Variants in GALNT13 observed in about 807,000 individuals in gnomAD.
GALNT13 encodes the protein polypeptide N-acetylgalactosaminyltransferase 13.
GALNT13 carries 28 observed loss-of-function variants against 64.2 expected under a neutral mutation model. The observed-to-expected ratio is 0.44, with a 90% confidence interval of 0.32 to 0.60. The LOEUF (loss-of-function observed/expected upper bound fraction) is 0.60, where lower values mean the gene tolerates loss of function less well. GALNT13 is among the 20% of genes least tolerant of loss of function. The pLI is 0.05. For missense variants in GALNT13, 577 were observed against 669.8 expected, an observed-to-expected ratio of 0.86 and a Z score of 1.53; for synonymous variants, 214 against 224.6, an observed-to-expected ratio of 0.95 and a Z score of 0.42.
At chr2:154,318,891 G>A (rs924031636) in intron 9 of GALNT13, among the ~76,000 whole-genome samples, 2 of 151,550 alleles carry the variant, frequency 1.3e-5, no homozygotes, top group African/African-American at 4.8e-5. Context: ...GCACACACAC[G>A]CACACACATA....
the GALNT13 span, among the ~76,000 whole-genome samples, chr2:153,459,985 C>A: frequency 3.9e-5 from 6 of 152,076 alleles, no homozygotes; most frequent in African/African-American, 1.2e-4. Context: ...ATACTAAATG[C>A]AACCAAGTGG....
chr2:153,255,778 A>C, the GALNT13 span, among the ~76,000 whole-genome samples: 47 of 152,298 alleles, frequency 3.1e-4, no homozygotes, highest in South Asian at 9.7e-3. Flanking sequence ...TTTCTTTAAG[A>C]ATGTTGAATA....
chr2:153,977,162 C>T (rs1033531003), intron 3 of GALNT13, among the ~76,000 whole-genome samples: 2 of 152,044 alleles, frequency 1.3e-5, no homozygotes, highest in Admixed American at 1.3e-4. Flanking sequence ...TAAACCTTTC[C>T]ATCAACTGCC....
At chr2:153,267,546 T>G in the GALNT13 span, among the ~76,000 whole-genome samples, 1 of 152,210 alleles carries the variant, frequency 6.6e-6, no homozygotes, top group East Asian at 1.9e-4. Context: ...TTGGCCCCTT[T>G]TAGCCATGGC....
At chr2:153,255,669 C>CA in the GALNT13 span, among the ~76,000 whole-genome samples, 2 of 152,086 alleles carry the variant, frequency 1.3e-5, no homozygotes, top group African/African-American at 2.4e-5. Flanking sequence ...CTGGTGGTGA[C>CA]AAAATCTCTC....
intron 3 of GALNT13, among the ~76,000 whole-genome samples, chr2:154,137,610 T>G (rs1190986154): frequency 6.6e-6 from 1 of 152,142 alleles, no homozygotes; most frequent in African/African-American, 2.4e-5. Context: ...AAAATAAAAC[T>G]GTCATGCCTT....
At chr2:153,227,144 T>A in the GALNT13 span, among the ~76,000 whole-genome samples, 1 of 152,184 alleles carries the variant, frequency 6.6e-6, no homozygotes. Context: ...GGGAAAGACA[T>A]CAACAGAATG....
chr2:154,234,177 A>G (rs568445701), intron 4 of GALNT13, among the ~76,000 whole-genome samples: 1 of 152,298 alleles, frequency 6.6e-6, no homozygotes, highest in South Asian at 2.1e-4. Context: ...GAAATTAAAG[A>G]TAAAATACAA....
the GALNT13 span, among the ~76,000 whole-genome samples, chr2:153,617,164 C>G: frequency 0.016 from 2,434 of 152,054 alleles, 65 homozygotes; most frequent in African/African-American, 0.055. Flanking sequence ...AAAAGACTTT[C>G]AGCTTTTCTC....
At chr2:153,872,630 G>GGC (rs1574011816) in intron 1 of GALNT13, among the ~76,000 whole-genome samples, 1 of 99,226 alleles carries the variant, frequency 1.0e-5, no homozygotes, top group East Asian at 3.5e-4. Flanking sequence ...GGGGGGGGGG[G>GGC]GGGGAGCGGC....
the GALNT13 span, among the ~76,000 whole-genome samples, chr2:153,141,985 A>T: frequency 6.6e-6 from 1 of 152,070 alleles, no homozygotes; most frequent in Non-Finnish European, 1.5e-5. Flanking sequence ...AAGCTTCCAG[A>T]TGATGGATAG....
At chr2:153,368,900 C>T in the GALNT13 span, among the ~76,000 whole-genome samples, 1 of 150,614 alleles carries the variant, frequency 6.6e-6, no homozygotes, top group East Asian at 1.9e-4. Context: ...TGAATATACA[C>T]TGAGATAAGC....
At chr2:153,449,858 T>A in the GALNT13 span, 1 of 152,246 alleles carries the variant, frequency 6.6e-6, no homozygotes, top group East Asian at 1.9e-4. Context: ...TATATAAGGG[T>A]CATAATTCCA....
At chr2:153,871,213 TGAGAAAG>T (rs1324030801), upstream of GALNT13, among the ~76,000 whole-genome samples, 1 of 152,174 alleles carries the variant, frequency 6.6e-6, no homozygotes, top group Non-Finnish European at 1.5e-5. Context: ...CCTACTTGCC[TGAGAAAG>T]GAATTCAAAG....
chr2:153,532,393 A>G, the GALNT13 span, among the ~76,000 whole-genome samples: 1 of 152,290 alleles, frequency 6.6e-6, no homozygotes, highest in African/African-American at 2.4e-5. Flanking sequence ...ATGAGACAGC[A>G]CAGCCCTGGG....
chr2:153,375,703 G>T, the GALNT13 span, among the ~76,000 whole-genome samples: 1 of 152,112 alleles, frequency 6.6e-6, no homozygotes, highest in African/African-American at 2.4e-5. Context: ...CATAGAAGAG[G>T]CATTCAGACT....
chr2:153,969,169 A>C (rs1398648227), intron 3 of GALNT13, among the ~76,000 whole-genome samples: 1 of 152,114 alleles, frequency 6.6e-6, no homozygotes, highest in Non-Finnish European at 1.5e-5. Flanking sequence ...TGATCCAGAT[A>C]TGATCTCACT....
At chr2:154,210,678 T>C (rs1028046723) in intron 4 of GALNT13, among the ~76,000 whole-genome samples, 8 of 152,184 alleles carry the variant, frequency 5.3e-5, no homozygotes, top group African/African-American at 1.9e-4. Context: ...ATTGATATGA[T>C]CATAATTTAA....
intron 9 of GALNT13, among the ~76,000 whole-genome samples, chr2:154,313,792 G>T (rs1295206698): frequency 6.6e-6 from 1 of 151,900 alleles, no homozygotes; most frequent in Non-Finnish European, 1.5e-5. Context: ...CTACCTTCTA[G>T]GGTTCAGATA....
Sources: allele counts gnomAD v4.1 joint callset (sites outside exome capture counted in the v4.1 genomes callset), GRCh38; gene constraint gnomAD v4.1.1; transcripts MANE v1.5; gene names NCBI Gene and HGNC (gene_info 2026-07-23, HGNC 2026-07-21).